Variants in IL18R1 observed in about 807,000 individuals in gnomAD.
The protein encoded by IL18R1 is interleukin 18 receptor 1.
Under a neutral mutation model 48.5 loss-of-function variants are expected in IL18R1, and 40 were observed. That is an observed-to-expected ratio of 0.82 (90% CI 0.64 to 1.07). IL18R1 has a LOEUF of 1.07. Among genes scored for constraint, IL18R1 ranks in the 50% least tolerant of loss-of-function variants. IL18R1 has a pLI of 0.00. For missense variants in IL18R1, 596 were observed against 633.7 expected (o/e 0.94, Z 0.64); for synonymous variants, 232 against 225.9 (o/e 1.03, Z -0.24).
Position 102,372,131 on chromosome 2 carries a change from T to C in IL18R1, c.468+13T>C, listed in dbSNP as rs1679302450. 1 of 1,556,764 alleles carries C rather than the reference T, an allele frequency of 6.4e-7. No individual in the cohort carries two copies. The highest frequency in any genetic ancestry group is 8.7e-7 in the Non-Finnish European group (1 of 1,155,082). Reference sequence around the variant, plus strand: ...ATCATTGTATAAGGTAATGCTTTTATAATATTTTAACTTTAAGACTTGATG... The same window carrying C: ...ATCATTGTATAAGGTAATGCTTTTACAATATTTTAACTTTAAGACTTGATG... On this transcript the variant is annotated intron_variant, in intron 4 of 10. Transcript: ENST00000233957.
chr2:102,381,006 C>G (rs557632872), intron 5 of IL18R1, among the ~76,000 whole-genome samples: 8 of 152,136 alleles, frequency 5.3e-5, no homozygotes, highest in Non-Finnish European at 1.2e-4. Context: ...CCAAGCATCA[C>G]CAGATGGGGA....
chr2:102,372,521 A>G (rs1679327226), intron 4 of IL18R1, among the ~76,000 whole-genome samples: 1 of 152,224 alleles, frequency 6.6e-6, no homozygotes, highest in Non-Finnish European at 1.5e-5. Context: ...AAAATTGGAA[A>G]TGGTAATGCT....
At chr2:102,390,360 G>A in intron 9 of IL18R1, 143 bp downstream of exon 9, 1 of 757,608 alleles carries the variant, frequency 1.3e-6, no homozygotes, top group Non-Finnish European at 2.1e-6. Flanking sequence ...TGTTCTGCCT[G>A]TACCATCCAT....
At chr2:102,357,865 T>A (rs1678342513) in intron 1 of IL18R1, among the ~76,000 whole-genome samples, 1 of 152,092 alleles carries the variant, frequency 6.6e-6, no homozygotes, top group East Asian at 1.9e-4. Flanking sequence ...AATTATTTTG[T>A]TTGTTAGAGT....
At chr2:102,363,442 A>T (rs550988135) in intron 2 of IL18R1, among the ~76,000 whole-genome samples, 17 of 152,278 alleles carry the variant, frequency 1.1e-4, no homozygotes, top group Middle Eastern at 3.4e-3. Context: ...CTCAGGGTAT[A>T]TTTACTTACG....
intron 6 of IL18R1, 113 bp downstream of exon 6, chr2:102,381,795 C>T (rs770416452): frequency 8.8e-5 from 65 of 734,998 alleles, no homozygotes; most frequent in Admixed American, 1.7e-4. Flanking sequence ...TTCATATTTA[C>T]TGAATAACAT....
intron 1 of IL18R1, among the ~76,000 whole-genome samples, chr2:102,360,943 A>C (rs11465565): frequency 2.3e-4 from 35 of 152,304 alleles, no homozygotes; most frequent in Non-Finnish European, 3.5e-4. Flanking sequence ...CATAAAACTT[A>C]AGTACATTAA....
chr2:102,374,449 G>A (rs761047098), intron 4 of IL18R1, among the ~76,000 whole-genome samples: 1 of 152,128 alleles, frequency 6.6e-6, no homozygotes, highest in Non-Finnish European at 1.5e-5. Flanking sequence ...ATGTGTTACA[G>A]TATATGTAAA....
rs1213082799 is a variant in IL18R1, at chr2:102,375,926, T to C, written c.488T>C (p.Leu163Pro). ...AAACAGAACTGTAAAAAGCTACTAC[T>C]GGAGAACAATAAAAACCCAACGATA... ...SLYKNCKKLL[L>P]ENNKNPTIKK... is the part of the protein sequence containing the mutation. Residue 163 changes from leucine to proline, a missense_variant, in exon 5 of 11, where the codon CTG (leucine) becomes CCG (proline). Leu to Pro is a moderately conservative substitution (Grantham distance 98). Around this residue, in one of 3 missense-constraint regions of IL18R1, gnomAD observed 360 missense variants for 339.4 expected, o/e 1.06. Coordinates refer to ENST00000233957, the MANE Select transcript of IL18R1 (RefSeq NM_003855.5). 6.3e-7 allele frequency: 1 copy of C among 1,591,612 alleles called. No individual in the cohort carries two copies. The highest frequency in any genetic ancestry group is 1.2e-5 in the South Asian group (1 of 85,640).
intron 2 of IL18R1, 66 bp from the exon 3 acceptor site, chr2:102,367,759 C>CA (rs1446803013): frequency 6.3e-5 from 93 of 1,478,134 alleles, no homozygotes; most frequent in Non-Finnish European, 8.3e-5. Flanking sequence ...ATTAGGAGAC[C>CA]AAAAAAAGTT....
intron 3 of IL18R1, 138 bp downstream of exon 3, chr2:102,368,206 A>T: frequency 1.0e-6 from 1 of 963,452 alleles, no homozygotes; most frequent in South Asian, 1.6e-5. Context: ...CATGAAATAC[A>T]TTCTTTGTTA....
intron 1 of IL18R1, among the ~76,000 whole-genome samples, chr2:102,357,565 C>T (rs1051944136): frequency 1.3e-5 from 2 of 151,914 alleles, no homozygotes; most frequent in Non-Finnish European, 2.9e-5. Context: ...GGAGCTAGTC[C>T]AGGAGTGATG....
At chr2:102,374,940 G>A (rs940062299) in intron 4 of IL18R1, among the ~76,000 whole-genome samples, 2 of 152,142 alleles carry the variant, frequency 1.3e-5, no homozygotes, top group Non-Finnish European at 2.9e-5. Flanking sequence ...GTAGATAATT[G>A]ATTGGAAAGG....
chr2:102,367,975 C>G lies in IL18R1; in HGVS notation c.209C>G (p.Pro70Arg). The change falls in exon 3 of 11, where the codon CCA becomes CGA. Residue 70 changes from proline (P) to arginine (R), a missense_variant. Physicochemically the swap from Pro to Arg is moderately radical, Grantham distance 103 (BLOSUM62 -2). Around this residue, in one of 3 missense-constraint regions of IL18R1, gnomAD observed 360 missense variants for 339.4 expected, o/e 1.06. Transcript: ENST00000233957. ...TCACAGGAACATGTGGAGCTGAACC[C>G]AAGGAGTTCCTCGAGAATTGCTTTG... is the stretch of plus-strand genomic sequence containing the variant. ...SGSQEHVELN[P>R]RSSSRIALHD... The G allele has an allele frequency of 6.2e-7, 1 of 1,614,180 alleles. No homozygotes were observed. The highest frequency in any genetic ancestry group is 1.1e-5 in the South Asian group (1 of 91,084).
rs1193408259 is a variant in IL18R1 at position 102,398,749 on chromosome 2, C to A, written c.*1863C>A. On this transcript the variant is annotated 3_prime_UTR_variant, in exon 11 of 11. Coordinates refer to ENST00000233957, the MANE Select transcript of IL18R1 (RefSeq NM_003855.5). The stretch of plus-strand genomic sequence containing the variant: ...GATGTGTGTTTTAAAATGCATAAAA[C>A]ACGTTGAAATACATTAATGAACCAT... The A allele has an allele frequency of 1.3e-5, 2 of 152,284 alleles. No homozygotes were observed. Among genetic ancestry groups the A allele is most frequent in the African/African-American group, 4.8e-5 (2 of 41,436 alleles). The allele number at this position is 152,284 out of a possible 1,614,324, so 9.4% of individuals were successfully genotyped here. A position where few individuals can be genotyped will look rare whatever the true frequency, so the allele number is the denominator to read the frequency against.
In IL18R1 at chr2:102,398,362, A is replaced by G. The variant is rs1016695961; in HGVS notation, c.*1476A>G. ...GCTGGTTAGAACATGTGGGAGCAAC[A>G]TGAATGTTCTACAAAAGTTTAAAGC... On this transcript the variant is annotated 3_prime_UTR_variant, in exon 11 of 11. Coordinates refer to ENST00000233957, the MANE Select transcript of IL18R1 (RefSeq NM_003855.5). The G allele has an allele frequency of 4.6e-5, 7 of 152,382 alleles. No individual in the cohort carries two copies. The highest frequency in any genetic ancestry group is 1.7e-4 in the African/African-American group (7 of 41,464). The allele number at this position is 152,382 out of a possible 1,614,324, so 9.4% of individuals were successfully genotyped here.
In IL18R1 at chr2:102,396,981, T is replaced by A; in HGVS notation, c.*95T>A. ...AACAAAGGCTGTGACTCGAAATAATTAACTTTGTCAAAATCCTGCTCACAA... is the reference window on the plus strand; with the variant it reads ...AACAAAGGCTGTGACTCGAAATAATAAACTTTGTCAAAATCCTGCTCACAA... On this transcript the variant is annotated 3_prime_UTR_variant, in exon 11 of 11. Transcript: ENST00000233957. The A allele has an allele frequency of 1.4e-6, 1 of 734,310 alleles. No individual in the cohort carries two copies. The highest frequency in any genetic ancestry group is 2.2e-6 in the Non-Finnish European group (1 of 452,642). The allele number at this position is 734,310 out of a possible 1,614,324, so 45.5% of individuals were successfully genotyped here. A position where few individuals can be genotyped will look rare whatever the true frequency, so the allele number is the denominator to read the frequency against.
chr2:102,358,735 T>C (rs1400730634), intron 1 of IL18R1, among the ~76,000 whole-genome samples: 2 of 152,160 alleles, frequency 1.3e-5, no homozygotes, highest in African/African-American at 4.8e-5. Context: ...TTTCCAAACT[T>C]GGGTGAGAGC....
At chr2:102,362,802 C>T (rs1678659114) in intron 2 of IL18R1, 84 bp downstream of exon 2, 2 of 727,388 alleles carry the variant, frequency 2.7e-6, no homozygotes, top group Non-Finnish European at 4.6e-6. Context: ...GTGGTGGCTA[C>T]TGAAGATGCT....
Sources: allele counts gnomAD v4.1 joint callset (sites outside exome capture counted in the v4.1 genomes callset), GRCh38; gene constraint gnomAD v4.1.1; regional missense constraint gnomAD v4.1.1; transcripts MANE v1.5; gene names NCBI Gene and HGNC (gene_info 2026-07-23, HGNC 2026-07-21).